CTNNA3: variants seen among roughly 807,000 people sequenced by gnomAD.
CTNNA3 encodes the protein catenin alpha 3.
Under a neutral mutation model 95.7 loss-of-function variants are expected in CTNNA3, and 76 were observed. That is an observed-to-expected ratio of 0.79 (90% CI 0.66 to 0.96). CTNNA3 has a LOEUF of 0.96. Ranked by LOEUF, CTNNA3 falls within the 40% of genes least tolerant of loss-of-function variation. CTNNA3 has a pLI of 0.00. For missense variants in CTNNA3, 1,191 were observed against 1,089.8 expected, an observed-to-expected ratio of 1.09 and a Z score of -1.31; for synonymous variants, 431 against 374.4, an observed-to-expected ratio of 1.15 and a Z score of -1.74.
intron 12 of CTNNA3, among the ~76,000 whole-genome samples, chr10:66,282,929 A>G (rs1171898138): frequency 1.3e-5 from 2 of 151,860 alleles, no homozygotes; most frequent in Non-Finnish European, 2.9e-5. Context: ...AATATGTAAA[A>G]TCAAGCAAAG....
At chr10:66,138,020 AAAC>A (rs1192176650) in intron 13 of CTNNA3, among the ~76,000 whole-genome samples, 5 of 151,392 alleles carry the variant, frequency 3.3e-5, no homozygotes, top group Non-Finnish European at 7.4e-5. Flanking sequence ...TATAGAGAAA[AAAC>A]AAAGAAAATA....
chr10:67,078,071 C>A (rs1235005128), intron 7 of CTNNA3, among the ~76,000 whole-genome samples: 1 of 152,148 alleles, frequency 6.6e-6, no homozygotes, highest in Non-Finnish European at 1.5e-5. Flanking sequence ...ATACTTGGAC[C>A]AAGTCAATCC....
At chr10:66,418,556 G>GACACACACAC (rs57694585) in intron 11 of CTNNA3, among the ~76,000 whole-genome samples, 5,281 of 144,302 alleles carry the variant, frequency 0.037, 305 homozygotes, top group African/African-American at 0.12. Context: ...AGCACACAGG[G>GACACACACAC]ACACACACAC....
intron 11 of CTNNA3, among the ~76,000 whole-genome samples, chr10:66,394,568 A>G (rs945311373): frequency 1.3e-5 from 2 of 149,056 alleles, no homozygotes; most frequent in Admixed American, 6.8e-5. Context: ...AAAAAAAAAA[A>G]AAAGAAGAAG....
chr10:67,415,749 C>T (rs75857525), intron 5 of CTNNA3, among the ~76,000 whole-genome samples: 209 of 152,248 alleles, frequency 1.4e-3, no homozygotes, highest in Non-Finnish European at 2.5e-3. Context: ...TGAAACTGTA[C>T]TACAAGGATA....
rs2080740132 is a variant in CTNNA3, at chr10:66,081,026, T to C, written c.1978-11537A>G. On this transcript the variant is annotated intron_variant, in intron 14 of 17. Coordinates refer to ENST00000433211, the MANE Select transcript of CTNNA3 (RefSeq NM_013266.4). ...ACAATGGGAAGTTCTCTAAAGTAGA[T>C]GCTTTAAGAAAAGGGAGGCCAGGGG... Among the ~76,000 whole-genome samples, 3 of 152,256 alleles carry C rather than the reference T, an allele frequency of 2.0e-5. No individual in the cohort carries two copies. In the South Asian group the frequency reaches 6.2e-4, roughly 32 times the overall value.
rs1214983162 is a variant in CTNNA3 at position 67,539,598 on chromosome 10, C to A, written c.364G>T (p.Val122Phe). 6.8e-6 allele frequency: 11 copies of A among 1,613,864 alleles called. No homozygotes were observed. The highest frequency in any genetic ancestry group is 9.3e-6 in the Non-Finnish European group (11 of 1,179,820). Residue 122 changes from valine to phenylalanine, a missense_variant, in exon 4 of 18, where the codon GTT (valine) becomes TTT (phenylalanine). By Grantham distance (50) the Val-to-Phe change is conservative (BLOSUM62 -1). Coordinates refer to ENST00000433211, the MANE Select transcript of CTNNA3 (RefSeq NM_013266.4). The part of the protein sequence containing the change: ...PCFLPKREAV[V>F]QAARALLAAV... ...GCCAGCAAGGCACGGGCAGCTTGAA[C>A]CACAGCCTCCCTTTTTGGGAGAAAA...
At chr10:67,424,128 C>T (rs1208351322) in intron 5 of CTNNA3, among the ~76,000 whole-genome samples, 1 of 152,110 alleles carries the variant, frequency 6.6e-6, no homozygotes. Flanking sequence ...TCACCTTCAC[C>T]CATTATCTGT....
At chr10:67,399,776 T>C (rs921057008) in intron 5 of CTNNA3, among the ~76,000 whole-genome samples, 5 of 152,206 alleles carry the variant, frequency 3.3e-5, no homozygotes, top group African/African-American at 1.2e-4. Flanking sequence ...CAAATAACTA[T>C]AAGCATTATG....
chr10:66,584,590 CTT>C (rs1379085756), intron 10 of CTNNA3, among the ~76,000 whole-genome samples: 1 of 151,792 alleles, frequency 6.6e-6, no homozygotes, highest in Non-Finnish European at 1.5e-5. Flanking sequence ...TGAGGTATGT[CTT>C]CTGAAGATAG....
intron 5 of CTNNA3, among the ~76,000 whole-genome samples, chr10:67,438,603 C>A (rs759204985): frequency 3.1e-4 from 47 of 152,282 alleles, no homozygotes; most frequent in Middle Eastern, 3.4e-3. Context: ...GCAATCACAG[C>A]ACCTGGTTTT....
intron 15 of CTNNA3, among the ~76,000 whole-genome samples, chr10:66,058,890 G>A (rs1156284577): frequency 6.6e-6 from 1 of 152,070 alleles, no homozygotes; most frequent in Non-Finnish European, 1.5e-5. Context: ...GCTTTCTCTT[G>A]GGTAACTAAT....
intron 1 of CTNNA3, among the ~76,000 whole-genome samples, chr10:67,664,596 G>A (rs556546269): frequency 2.6e-5 from 4 of 151,606 alleles, no homozygotes; most frequent in African/African-American, 9.7e-5. Flanking sequence ...CTTACTCCTG[G>A]CTCTGTTTTA....
intron 13 of CTNNA3, among the ~76,000 whole-genome samples, chr10:66,266,002 A>AT (rs1436704260): frequency 6.6e-6 from 1 of 151,706 alleles, no homozygotes; most frequent in Non-Finnish European, 1.5e-5. Context: ...TAAAAAGACA[A>AT]TAAATGGATA....
At chr10:67,290,871 G>A (rs925162391) in intron 5 of CTNNA3, among the ~76,000 whole-genome samples, 2 of 152,076 alleles carry the variant, frequency 1.3e-5, no homozygotes, top group African/African-American at 4.8e-5. Flanking sequence ...AAAATATTCT[G>A]CCTCTTACAT....
At chr10:67,408,305 T>C (rs1845222431) in intron 5 of CTNNA3, among the ~76,000 whole-genome samples, 1 of 152,080 alleles carries the variant, frequency 6.6e-6, no homozygotes, top group Admixed American at 6.6e-5. Flanking sequence ...AGAACAAAGC[T>C]AGAGGTACCA....
At chr10:67,582,038 G>A (rs1354178701) in intron 3 of CTNNA3, among the ~76,000 whole-genome samples, 1 of 151,016 alleles carries the variant, frequency 6.6e-6, no homozygotes, top group Non-Finnish European at 1.5e-5. Flanking sequence ...GTTTTGCAGG[G>A]TTTTTTGTGT....
intron 7 of CTNNA3, among the ~76,000 whole-genome samples, chr10:67,157,548 A>G (rs747683027): frequency 2.0e-5 from 3 of 152,210 alleles, no homozygotes; most frequent in Non-Finnish European, 4.4e-5. Flanking sequence ...GTCCTACAGT[A>G]AATATCTTAG....
At chr10:66,360,929 GTC>G (rs35335262) in intron 12 of CTNNA3, among the ~76,000 whole-genome samples, 4 of 118,920 alleles carry the variant, frequency 3.4e-5, no homozygotes, top group East Asian at 2.6e-4. Flanking sequence ...CTTCCTTTCT[GTC>G]TCTCTCTCTC....
Sources: gnomAD v4.1 joint callset for allele counts (sites outside exome capture counted in the v4.1 genomes callset) on GRCh38, gnomAD v4.1.1 for gene constraint, MANE v1.5 for transcripts, NCBI Gene and HGNC (gene_info 2026-07-23, HGNC 2026-07-21) for gene names.